Variants in STRIP2 observed in about 807,000 individuals in gnomAD.
The protein encoded by STRIP2 is striatin interacting protein 2.
In STRIP2, 84 loss-of-function variants were observed where a neutral mutation model predicts 107.1. The observed-to-expected ratio is 0.78, with a 90% CI of 0.66 to 0.94. STRIP2 has a LOEUF of 0.94. Among genes scored for constraint, STRIP2 ranks in the 40% least tolerant of loss-of-function variants. STRIP2 has a pLI of 0.00. For missense variants in STRIP2, 888 were observed against 1,034.2 expected (o/e 0.86, Z 1.94); for synonymous variants, 394 against 400.4 (o/e 0.98, Z 0.19).
chr7:129,469,658 A>T (rs1798747516), intron 17 of STRIP2, among the ~76,000 whole-genome samples: 1 of 152,168 alleles, frequency 6.6e-6, no homozygotes, highest in Non-Finnish European at 1.5e-5. Context: ...TCCCAAGCTG[A>T]CCCTTCTCCT....
In STRIP2 at chr7:129,456,743, G is replaced by C. The variant is rs80132005; in HGVS notation, c.1038+101G>C. ...GTAGGAAAAAGCAGTAAATGACCCG[G>C]CTCATCCTGCCCAGGTTGGCCCTAT... is the stretch of plus-strand genomic sequence containing the variant. On this transcript the variant is annotated intron_variant, in intron 9 of 20. Transcript: ENST00000249344. The C allele has an allele frequency of 2.1e-4, 237 of 1,151,038 alleles. No individual in the cohort carries two copies. The African/African-American group carries it at 3.3e-3, about 16-fold the overall frequency. The allele number at this position is 1,151,038 out of a possible 1,614,324, so 71.3% of individuals were successfully genotyped here. A position where few individuals can be genotyped will look rare whatever the true frequency, so the allele number is the denominator to read the frequency against.
intron 18 of STRIP2, among the ~76,000 whole-genome samples, chr7:129,473,959 C>T (rs777804793): frequency 6.6e-6 from 1 of 152,076 alleles, no homozygotes; most frequent in Admixed American, 6.6e-5. Context: ...CCTGGTGATC[C>T]GCCCACCTCA....
chr7:129,436,035 G>A (rs1054743148), intron 1 of STRIP2, among the ~76,000 whole-genome samples: 1 of 152,022 alleles, frequency 6.6e-6, no homozygotes, highest in Non-Finnish European at 1.5e-5. Flanking sequence ...GATGATACCC[G>A]CCACATCATC....
chr7:129,482,693 G>A, intron 19 of STRIP2, 149 bp from the exon 20 acceptor site: 1 of 925,606 alleles, frequency 1.1e-6, no homozygotes, highest in Non-Finnish European at 1.6e-6. Flanking sequence ...CTATATTCTT[G>A]AAGATTAAAT....
rs1032530268 is a variant in STRIP2 at position 129,434,434 on chromosome 7, A to G, written c.-39A>G. 6.9e-7 allele frequency: 1 copy of G among 1,448,284 alleles called. No homozygotes were observed. Among genetic ancestry groups the G allele is most frequent in the Non-Finnish European group, 9.0e-7 (1 of 1,105,746 alleles). 89.7% of individuals were successfully genotyped at this position (1,448,284 alleles called of 1,614,324 possible). A position where few individuals can be genotyped will look rare whatever the true frequency, so the allele number is the denominator to read the frequency against. Reference sequence around the variant, plus strand: ...CGCGGCGGTAGGGTCGCCTCCGGCAAAGCGAGCTGAACCCTGAGGGGAGCC... The same window carrying G: ...CGCGGCGGTAGGGTCGCCTCCGGCAGAGCGAGCTGAACCCTGAGGGGAGCC... On this transcript the variant is annotated 5_prime_UTR_variant, in exon 1 of 21. Transcript: ENST00000249344.
chr7:129,467,917 G>A (rs917772442), intron 17 of STRIP2, among the ~76,000 whole-genome samples: 2 of 152,028 alleles, frequency 1.3e-5, no homozygotes, highest in Non-Finnish European at 2.9e-5. Flanking sequence ...AAAAAATAAG[G>A]TATTTCACAT....
chr7:129,464,349 C>T (rs1418180805), intron 15 of STRIP2, among the ~76,000 whole-genome samples: 1 of 151,920 alleles, frequency 6.6e-6, no homozygotes, highest in Non-Finnish European at 1.5e-5. Context: ...GACACCAGTG[C>T]CAGCGACTGG....
In STRIP2 at chr7:129,460,316, A is replaced by C; in HGVS notation, c.1420A>C (p.Ile474Leu). The C allele has an allele frequency of 1.9e-6, 3 of 1,613,956 alleles. No individual in the cohort carries two copies. The highest frequency in any genetic ancestry group is 2.5e-6 in the Non-Finnish European group (3 of 1,179,928). ...TCTTTGTCAGCACAAGTATATCTCC[A>C]TCGCAGATGTGCAGATCAAGAATGA... ...KTLKQHKYIS[I>L]ADVQIKNEEE... Residue 474 changes from isoleucine (I) to leucine (L), a missense_variant, in exon 13 of 21, where the codon ATC becomes CTC. Ile to Leu is a conservative substitution (Grantham distance 5). Coordinates refer to ENST00000249344, the MANE Select transcript of STRIP2 (RefSeq NM_020704.3).
Position 129,460,392 on chromosome 7 carries a change from C to A in STRIP2, c.1476+20C>A. The A allele has an allele frequency of 1.2e-6, 2 of 1,608,142 alleles. No homozygotes were observed. Among genetic ancestry groups the A allele is most frequent in the Non-Finnish European group, 1.7e-6 (2 of 1,175,754 alleles). Reference sequence around the variant, plus strand: ...TCTTTGGTGAGCCAAGGAAGCCCTACACAGGAGGAGAGTAGAAGAAAACCT... The same window carrying A: ...TCTTTGGTGAGCCAAGGAAGCCCTAAACAGGAGGAGAGTAGAAGAAAACCT... On this transcript the variant is annotated intron_variant, in intron 13 of 20. Coordinates refer to ENST00000249344, the MANE Select transcript of STRIP2 (RefSeq NM_020704.3).
At position 129,454,475 on chromosome 7, in the gene STRIP2, G is replaced by A. The variant is rs755752662; in HGVS notation, c.654G>A (p.Glu218=). ...TGGAAAATATTCGCCTGGAGCGAGA[G>A]ACAGACCCCTGTGGGTGGAGAACAG... ...LMVENIRLER[E]TDPCGWRTAR... The change falls in exon 7 of 21, where the codon GAG becomes GAA. Residue 218 remains glutamate (E), a synonymous_variant. Transcript: ENST00000249344. 1.2e-6 allele frequency: 2 copies of A among 1,614,192 alleles called. No individual in the cohort carries two copies. The highest frequency in any genetic ancestry group is 3.3e-5 in the Admixed American group (2 of 60,030).
chr7:129,474,174 G>A lies in STRIP2; in HGVS notation c.1944+3459G>A, dbSNP rs1798860508. Among the ~76,000 whole-genome samples, 3 of 150,456 alleles carry A rather than the reference G, an allele frequency of 2.0e-5. No homozygotes were observed. The South Asian group carries it at 6.3e-4, about 31-fold the overall frequency. On this transcript the variant is annotated intron_variant, in intron 18 of 20. Transcript: ENST00000249344. ...TTTTTTTTTTTTGAGACAGGGTCTCGAAGTTGCTCAGGCTTGAGTGCAGTG... is the reference window on the plus strand; with the variant it reads ...TTTTTTTTTTTTGAGACAGGGTCTCAAAGTTGCTCAGGCTTGAGTGCAGTG...
intron 5 of STRIP2, 65 bp from the exon 6 acceptor site, chr7:129,454,077 T>C (rs1193070309): frequency 2.7e-6 from 4 of 1,464,480 alleles, no homozygotes; most frequent in Non-Finnish European, 1.9e-6. Flanking sequence ...GTGTGAGTGA[T>C]AAGTAAGAGC....
In STRIP2 at chr7:129,456,741, C is replaced by T. The variant is rs771570952; in HGVS notation, c.1038+99C>T. The T allele has an allele frequency of 4.7e-5, 55 of 1,167,076 alleles. 1 individual carries two copies. The highest frequency in any genetic ancestry group is 2.4e-4 in the South Asian group (16 of 68,068). 72.3% of individuals were successfully genotyped at this position (1,167,076 alleles called of 1,614,324 possible). On this transcript the variant is annotated intron_variant, in intron 9 of 20. Transcript: ENST00000249344. ...TGGTAGGAAAAAGCAGTAAATGACC[C>T]GGCTCATCCTGCCCAGGTTGGCCCT... is the stretch of plus-strand genomic sequence containing the variant.
In STRIP2 at chr7:129,467,413, A is replaced by G; in HGVS notation, c.1840A>G (p.Asn614Asp). 6.2e-7 allele frequency: 1 copy of G among 1,613,744 alleles called. No homozygotes were observed. The change falls in exon 17 of 21, where the codon AAT becomes GAT. Residue 614 changes from asparagine to aspartate, a missense_variant. By Grantham distance (23) the Asn-to-Asp change is conservative (BLOSUM62 1). Coordinates refer to ENST00000249344, the MANE Select transcript of STRIP2 (RefSeq NM_020704.3). ...CATCCCCTTGATCCTGAAGTTCTTC[A>G]ATCAAAATATCTTGTCATACATCAC... is the stretch of plus-strand genomic sequence containing the variant. ...NCIPLILKFF[N>D]QNILSYITAK...
intron 19 of STRIP2, 131 bp from the exon 20 acceptor site, chr7:129,482,711 G>A (rs1799157840): frequency 1.9e-6 from 2 of 1,040,144 alleles, no homozygotes; most frequent in Non-Finnish European, 2.8e-6. Context: ...AATCTAAGTA[G>A]AGCCTGGACC....
intron 14 of STRIP2, among the ~76,000 whole-genome samples, chr7:129,463,652 C>T (rs1019769239): frequency 7.2e-5 from 11 of 152,190 alleles, no homozygotes; most frequent in East Asian, 1.9e-4. Flanking sequence ...CATGCCACCA[C>T]GCCAGCTAGT....
intron 4 of STRIP2, among the ~76,000 whole-genome samples, chr7:129,452,753 CTTTAG>C (rs1798230829): frequency 6.6e-6 from 1 of 152,116 alleles, no homozygotes; most frequent in Non-Finnish European, 1.5e-5. Flanking sequence ...CAGTGTGCTC[CTTTAG>C]TTTAGCACCC....
chr7:129,443,913 T>A (rs570931131), intron 2 of STRIP2, 111 bp from the exon 3 acceptor site: 1 of 783,646 alleles, frequency 1.3e-6, no homozygotes, highest in African/African-American at 1.7e-5. Context: ...TTTGGATTCA[T>A]TGGACACAGG....
At chr7:129,443,407 G>C (rs1344629216) in intron 2 of STRIP2, among the ~76,000 whole-genome samples, 1 of 152,178 alleles carries the variant, frequency 6.6e-6, no homozygotes, top group East Asian at 1.9e-4. Context: ...TGTTAGCAAA[G>C]TTAGATTTTC....
Sources: gnomAD v4.1 joint callset for allele counts (sites outside exome capture counted in the v4.1 genomes callset) on GRCh38, gnomAD v4.1.1 for gene constraint, MANE v1.5 for transcripts, NCBI Gene and HGNC (gene_info 2026-07-23, HGNC 2026-07-21) for gene names.